TP53BP2: variants seen among roughly 807,000 people sequenced by gnomAD.
The protein encoded by TP53BP2 is apoptosis-stimulating of p53 protein 2.
Under a neutral mutation model 126.2 loss-of-function variants are expected in TP53BP2, and 62 were observed. The ratio of observed to expected loss-of-function variants is 0.49; its 90% confidence interval spans 0.40 to 0.61. The LOEUF (loss-of-function observed/expected upper bound fraction) is 0.61. Ranked by LOEUF, TP53BP2 falls within the 20% of genes least tolerant of loss-of-function variation. The pLI is 0.00. For missense variants in TP53BP2, 1,215 were observed against 1,402.8 expected, an observed-to-expected ratio of 0.87 and a Z score of 2.14; for synonymous variants, 485 against 502.9, an observed-to-expected ratio of 0.96 and a Z score of 0.48.
chr1:223,843,295 C>T (rs1231925169), intron 1 of TP53BP2, among the ~76,000 whole-genome samples: 1 of 151,990 alleles, frequency 6.6e-6, no homozygotes, highest in Admixed American at 6.6e-5. Flanking sequence ...CTCAGCCTCC[C>T]GAGTAGCTGG....
intron 5 of TP53BP2, among the ~76,000 whole-genome samples, chr1:223,804,641 A>G (rs1332116889): frequency 6.6e-6 from 1 of 152,224 alleles, no homozygotes; most frequent in East Asian, 1.9e-4. Context: ...GTTTTCATAA[A>G]CTGTTGCAAC....
intron 1 of TP53BP2, 98 bp from the exon 2 acceptor site, chr1:223,821,465 T>G: frequency 1.3e-6 from 2 of 1,499,876 alleles, no homozygotes; most frequent in Non-Finnish European, 1.8e-6. Context: ...CAGTTGGAAG[T>G]GCAAACGTAC....
At chr1:223,828,764 T>C (rs977489523) in intron 1 of TP53BP2, among the ~76,000 whole-genome samples, 2 of 152,172 alleles carry the variant, frequency 1.3e-5, no homozygotes, top group African/African-American at 4.8e-5. Context: ...TCCATTTATA[T>C]GAAATGTCTA....
At chr1:223,782,526 A>G (rs1224316350) in intron 17 of TP53BP2, among the ~76,000 whole-genome samples, 1 of 152,184 alleles carries the variant, frequency 6.6e-6, no homozygotes, top group African/African-American at 2.4e-5. Flanking sequence ...AGGGTCACCG[A>G]GGCTGGAGTG....
At chr1:223,813,622 T>C (rs1161516798) in intron 3 of TP53BP2, among the ~76,000 whole-genome samples, 1 of 152,136 alleles carries the variant, frequency 6.6e-6, no homozygotes, top group Non-Finnish European at 1.5e-5. Flanking sequence ...TAGAAAAATT[T>C]GTCTAGACAC....
In TP53BP2 at chr1:223,839,238, T is replaced by C. The variant is rs972118858; in HGVS notation, c.27+6416A>G. Among the ~76,000 whole-genome samples the C allele has an allele frequency of 2.6e-5, 4 of 152,190 alleles. No homozygotes were observed. In the East Asian group the frequency reaches 7.7e-4, roughly 29 times the overall value. Reference sequence around the variant, plus strand: ...ATTTCTACTAGTGACCAGAAACAAATTACTTAAGCCCTTTGAGCTTCAAAT... The same window carrying C: ...ATTTCTACTAGTGACCAGAAACAAACTACTTAAGCCCTTTGAGCTTCAAAT... On this transcript the variant is annotated intron_variant, in intron 1 of 17. Transcript: ENST00000343537.
chr1:223,806,184 C>T (rs183673011), intron 5 of TP53BP2, among the ~76,000 whole-genome samples: 3 of 152,172 alleles, frequency 2.0e-5, no homozygotes, highest in African/African-American at 7.2e-5. Context: ...ATGGTTATAC[C>T]ATGTTAGAAC....
intron 15 of TP53BP2, among the ~76,000 whole-genome samples, chr1:223,791,900 A>G (rs1662168045): frequency 6.6e-6 from 1 of 152,208 alleles, no homozygotes; most frequent in South Asian, 2.1e-4. Context: ...CCTGCAAACA[A>G]TACTCATCAC....
intron 4 of TP53BP2, among the ~76,000 whole-genome samples, chr1:223,809,823 T>C (rs960794507): frequency 6.6e-6 from 1 of 151,956 alleles, no homozygotes; most frequent in Admixed American, 6.6e-5. Flanking sequence ...AGTATAAATA[T>C]ATAATTTTCC....
chr1:223,803,296 A>G lies in TP53BP2; in HGVS notation c.806T>C (p.Leu269Pro). 6.2e-7 allele frequency: 1 copy of G among 1,612,832 alleles called. No individual in the cohort carries two copies. Among genetic ancestry groups the G allele is most frequent in the Non-Finnish European group, 8.5e-7 (1 of 1,179,690 alleles). The change falls in exon 7 of 18, where the codon CTT (leucine) becomes CCT (proline). Residue 269 changes from leucine to proline, a missense_variant. Around this residue, in one of 4 missense-constraint regions of TP53BP2, gnomAD observed 814 missense variants for 853.0 expected, o/e 0.95. Transcript: ENST00000343537. ...CTGCAGCTCCTTATAGAGGCGATCA[A>G]GCTCAGCCACTGCAGACTGATTGTC... Reference protein sequence around the residue: ...HHDNQSAVAELDRLYKELQLR... With the variant: ...HHDNQSAVAEPDRLYKELQLR...
intron 3 of TP53BP2, among the ~76,000 whole-genome samples, chr1:223,813,395 A>G (rs549878599): frequency 6.6e-6 from 1 of 152,020 alleles, no homozygotes; most frequent in African/African-American, 2.4e-5. Context: ...TTTCCTTTCA[A>G]TCTCAGGCGT....
intron 11 of TP53BP2, among the ~76,000 whole-genome samples, chr1:223,799,472 C>G (rs1662454910): frequency 6.6e-6 from 1 of 152,196 alleles, no homozygotes; most frequent in African/African-American, 2.4e-5. Context: ...TTCTTGTTCA[C>G]TGGAATTTCA....
Position 223,802,874 on chromosome 1 carries a change from CTT to C in TP53BP2, c.851_852del (p.Gln284ArgfsTer15), listed in dbSNP as rs1157063158. ...TGTTGTTGTAGCTTGGCATTCTGCT[CTT>C]GATTCAATTTGTTTCTTAGCTGAAT... ...KELQLRNKLN[Q>X]EQNAKLQQQR... On this transcript the variant is annotated frameshift_variant, in exon 8 of 18. Transcript: ENST00000343537. LOFTEE classifies it high-confidence loss of function. The C allele has an allele frequency of 1.2e-6, 2 of 1,613,962 alleles. No individual in the cohort carries two copies. Among genetic ancestry groups the C allele is most frequent in the Non-Finnish European group, 1.7e-6 (2 of 1,180,012 alleles).
intron 15 of TP53BP2, among the ~76,000 whole-genome samples, chr1:223,790,425 G>A (rs1662115407): frequency 6.6e-6 from 1 of 151,780 alleles, no homozygotes. Flanking sequence ...AGGTGTGGTG[G>A]CACACATCTG....
chr1:223,821,456 A>C, intron 1 of TP53BP2, 89 bp from the exon 2 acceptor site: 55 of 1,537,436 alleles, frequency 3.6e-5, no homozygotes, highest in East Asian at 4.5e-5. Context: ...ACAAAATCTC[A>C]GTTGGAAGTG....
intron 1 of TP53BP2, among the ~76,000 whole-genome samples, chr1:223,838,706 C>G (rs566240345): frequency 6.6e-6 from 1 of 152,338 alleles, no homozygotes; most frequent in South Asian, 2.1e-4. Flanking sequence ...ACCGCAATTA[C>G]TTTTGCACCA....
intron 2 of TP53BP2, among the ~76,000 whole-genome samples, chr1:223,819,693 G>A (rs6680204): frequency 0.31 from 46,727 of 149,768 alleles, 11,002 homozygotes; most frequent in African/African-American, 0.66. Context: ...CTCAAAAAAA[G>A]AAAAAAGAAA....
At chr1:223,828,711 TAA>T (rs1663589513) in intron 1 of TP53BP2, among the ~76,000 whole-genome samples, 1 of 152,204 alleles carries the variant, frequency 6.6e-6, no homozygotes, top group African/African-American at 2.4e-5. Context: ...AATATTACGC[TAA>T]GTGATAGAAG....
intron 1 of TP53BP2, among the ~76,000 whole-genome samples, chr1:223,838,351 G>A (rs1482623991): frequency 2.0e-5 from 3 of 152,192 alleles, no homozygotes; most frequent in African/African-American, 4.8e-5. Context: ...AATGGTTAAT[G>A]AGGGAGAATG....
Sources: allele counts gnomAD v4.1 joint callset (sites outside exome capture counted in the v4.1 genomes callset), GRCh38; gene constraint gnomAD v4.1.1; regional missense constraint gnomAD v4.1.1; transcripts MANE v1.5; gene names NCBI Gene and HGNC (gene_info 2026-07-23, HGNC 2026-07-21).